Variants in SVIL observed in about 807,000 individuals in gnomAD.
The protein encoded by SVIL is supervillin.
In SVIL, 101 loss-of-function variants were observed where a neutral mutation model predicts 240.4. That is an observed-to-expected ratio of 0.42 (90% CI 0.36 to 0.50). The LOEUF is 0.50. Among genes scored for constraint, SVIL ranks in the 20% least tolerant of loss-of-function variants. SVIL has a pLI of 0.01. For missense variants in SVIL, 2,512 were observed against 2,818.7 expected (o/e 0.89, Z 2.46); for synonymous variants, 999 against 1,100.0 (o/e 0.91, Z 1.82).
chr10:29,465,312 C>T lies in SVIL; in HGVS notation c.6133+283G>A, dbSNP rs961144836. Among the ~76,000 whole-genome samples the T allele has an allele frequency of 2.6e-5, 4 of 152,112 alleles. No individual in the cohort carries two copies. In the South Asian group the frequency reaches 6.2e-4, roughly 24 times the overall value. On this transcript the variant is annotated intron_variant, in intron 34 of 37. Coordinates refer to ENST00000355867, the MANE Select transcript of SVIL (RefSeq NM_021738.3). Reference sequence around the variant, plus strand: ...AGGAAGGCTGGGAAAAGAGCGGAGACGCCAGGCCTGCCGCTGTGGTGCTCA... The same window carrying T: ...AGGAAGGCTGGGAAAAGAGCGGAGATGCCAGGCCTGCCGCTGTGGTGCTCA...
chr10:29,477,930 A>G (rs766789789), intron 29 of SVIL, among the ~76,000 whole-genome samples: 4 of 152,224 alleles, frequency 2.6e-5, no homozygotes, highest in Non-Finnish European at 5.9e-5. Flanking sequence ...ATTTTTAATT[A>G]ATTCACTTTA....
At chr10:29,551,394 G>T in intron 5 of SVIL, 131 bp from the exon 6 acceptor site, 1 of 868,096 alleles carries the variant, frequency 1.2e-6, no homozygotes, top group Non-Finnish European at 1.7e-6. Flanking sequence ...TTCTCACCGA[G>T]GTGTGTTTGC....
intron 3 of SVIL, among the ~76,000 whole-genome samples, chr10:29,555,347 G>C (rs200680225): frequency 2.3e-5 from 2 of 85,708 alleles, no homozygotes; most frequent in East Asian, 8.3e-4. Flanking sequence ...CACACACATG[G>C]ACACACCCTA....
chr10:29,607,131 T>C lies in SVIL; in HGVS notation c.-201+27289A>G, dbSNP rs935047340. ...GGGGCATGATTTATTCATTCTTCCTTATGGTTACCCAGTTGCCATTATGTT... is the reference window on the plus strand; with the variant it reads ...GGGGCATGATTTATTCATTCTTCCTCATGGTTACCCAGTTGCCATTATGTT... On this transcript the variant is annotated intron_variant, in intron 1 of 37. Transcript: ENST00000355867. Among the ~76,000 whole-genome samples, 105 of 152,232 alleles carry C rather than the reference T, an allele frequency of 6.9e-4. 5 individuals are homozygous for C. The highest frequency in any genetic ancestry group is 2.9e-5 in the Non-Finnish European group (2 of 68,046).
intron 3 of SVIL, among the ~76,000 whole-genome samples, chr10:29,649,179 G>C (rs74469066): frequency 0.024 from 3,601 of 151,738 alleles, 63 homozygotes; most frequent in Non-Finnish European, 0.036. Context: ...ATAAAAGCAG[G>C]GTTTCTTTTA....
intron 5 of SVIL, among the ~76,000 whole-genome samples, chr10:29,552,562 CAAAAA>C (rs3031442): frequency 1.5e-4 from 12 of 82,422 alleles, no homozygotes; most frequent in Admixed American, 1.3e-4. Flanking sequence ...GACTCTGTCT[CAAAAA>C]AAAAAAAAAA....
intron 5 of SVIL, among the ~76,000 whole-genome samples, chr10:29,551,549 A>T (rs769782711): frequency 6.6e-6 from 1 of 152,176 alleles, no homozygotes; most frequent in Non-Finnish European, 1.5e-5. Flanking sequence ...AGAGCGCCTC[A>T]GTCTTTGTTC....
Position 29,735,317 on chromosome 10 carries a change from C to A in SVIL, c.-400+434G>T, listed in dbSNP as rs1489209120. Among the ~76,000 whole-genome samples the A allele has an allele frequency of 6.6e-6, 1 of 151,386 alleles. No individual in the cohort carries two copies. The highest frequency in any genetic ancestry group is 2.4e-5 in the African/African-American group (1 of 41,178). On this transcript the variant is annotated intron_variant, in intron 1 of 35. Coordinates refer to the SVIL transcript ENST00000375400. The surrounding 1 kb of genome is among the most constrained non-coding windows in gnomAD (Gnocchi z 4.1). The stretch of plus-strand genomic sequence containing the variant: ...GGCTGGTGTCGGGAAAGGAACCGGG[C>A]GATGTCGTAGTTCTGATCACTGGCG...
At chr10:29,532,441 TG>T in intron 8 of SVIL, 87 bp downstream of exon 8, 1 of 1,502,200 alleles carries the variant, frequency 6.7e-7, no homozygotes, top group Non-Finnish European at 8.9e-7. Context: ...TATGATTCAA[TG>T]CAGAACACAA....
intron 17 of SVIL, among the ~76,000 whole-genome samples, chr10:29,510,530 C>A (rs1589049026): frequency 6.6e-6 from 1 of 150,944 alleles, no homozygotes; most frequent in Non-Finnish European, 1.5e-5. Flanking sequence ...ACAAAAGGAA[C>A]GTAGGAACCG....
intron 6 of SVIL, among the ~76,000 whole-genome samples, chr10:29,544,003 A>G (rs1312407730): frequency 6.6e-6 from 1 of 152,094 alleles, no homozygotes; most frequent in East Asian, 1.9e-4. Context: ...GGAAATAATA[A>G]CTCACTCCAG....
At chr10:29,578,924 C>A (rs1230418453) in intron 1 of SVIL, among the ~76,000 whole-genome samples, 1 of 150,206 alleles carries the variant, frequency 6.7e-6, no homozygotes, top group Admixed American at 6.7e-5. Flanking sequence ...GTCTTCTTGT[C>A]TTTCCTAAAA....
upstream of SVIL, among the ~76,000 whole-genome samples, chr10:29,635,735 ATACT>A (rs1169672291): frequency 6.6e-6 from 1 of 152,226 alleles, no homozygotes; most frequent in Non-Finnish European, 1.5e-5. Flanking sequence ...TGTTTACAAA[ATACT>A]TACAATTGTA....
chr10:29,479,983 C>T (rs1481080294), intron 29 of SVIL, among the ~76,000 whole-genome samples: 1 of 152,140 alleles, frequency 6.6e-6, no homozygotes, highest in African/African-American at 2.4e-5. Flanking sequence ...GGTCCGTCAC[C>T]ATCAGGAACC....
intron 1 of SVIL, among the ~76,000 whole-genome samples, chr10:29,589,156 AGACACTC>A (rs1956287207): frequency 6.6e-6 from 1 of 152,220 alleles, no homozygotes; most frequent in Non-Finnish European, 1.5e-5. Context: ...CAAGGATGTG[AGACACTC>A]GACACCAAAA....
chr10:29,490,589 A>C (rs796264031), intron 22 of SVIL, among the ~76,000 whole-genome samples: 20,319 of 127,042 alleles, frequency 0.16, 1,461 homozygotes, highest in East Asian at 0.29. Context: ...AGTCTTTAAA[A>C]AAAAAAAAAA....
intron 17 of SVIL, chr10:29,508,626 G>A: frequency 2.8e-6 from 1 of 352,796 alleles, no homozygotes; most frequent in South Asian, 2.1e-5. Context: ...GCACTTTAAA[G>A]TGACTTCATT....
At position 29,480,767 on chromosome 10, in the gene SVIL, A is replaced by G. The variant is rs1326346958; in HGVS notation, c.5147T>C (p.Val1716Ala). 2 of 1,613,654 alleles carry G rather than the reference A, an allele frequency of 1.2e-6. No homozygotes were observed. The highest frequency in any genetic ancestry group is 1.7e-5 in the Admixed American group (1 of 60,028). Residue 1716 changes from valine (V) to alanine (A), a missense_variant, in exon 29 of 38, where the codon GTG (valine) becomes GCG (alanine). Physicochemically the swap from Val to Ala is moderately conservative, Grantham distance 64. This residue lies in a region of SVIL where 797 missense variants were observed against 925.3 expected (regional missense o/e 0.86). Transcript: ENST00000355867. ...DVKAYDVTRM[V>A]SMPQTTAGTI... ...GCCTGCTGTCGTCTGGGGCATGGAC[A>G]CCATCCGTGTCACATCGTATGCCTT...
At chr10:29,529,940 G>A in intron 11 of SVIL, 96 bp from the exon 12 acceptor site, 1 of 1,312,026 alleles carries the variant, frequency 7.6e-7, no homozygotes, top group Non-Finnish European at 1.0e-6. Flanking sequence ...GGAGGCTAAG[G>A]AGGGAAGATT....
Sources: gnomAD v4.1 joint callset for allele counts (sites outside exome capture counted in the v4.1 genomes callset) on GRCh38, gnomAD v4.1.1 for gene constraint, gnomAD v4.1.1 regional missense constraint, Gnocchi (gnomAD v3.1) non-coding constraint, MANE v1.5 for transcripts, NCBI Gene and HGNC (gene_info 2026-07-23, HGNC 2026-07-21) for gene names.